The following PHLPP1 variants were observed in gnomAD, a reference collection of about 807,000 sequenced individuals.
The protein encoded by PHLPP1 is PH domain leucine-rich repeat-containing protein phosphatase 1.
In PHLPP1, 42 loss-of-function variants were observed where a neutral mutation model predicts 117.2. That is an observed-to-expected ratio of 0.36 (90% CI 0.28 to 0.46). PHLPP1 has a LOEUF of 0.46. Among genes scored for constraint, PHLPP1 ranks in the 20% least tolerant of loss-of-function variants. PHLPP1 has a pLI of 1.00. For synonymous variants in PHLPP1, 1,042 were observed against 970.7 expected (o/e 1.07, Z -1.37); for missense variants, 2,084 against 2,241.9 (o/e 0.93, Z 1.42).
At chr18:62,775,764 C>T (rs1912933749) in intron 1 of PHLPP1, among the ~76,000 whole-genome samples, 2 of 152,024 alleles carry the variant, frequency 1.3e-5, no homozygotes, top group South Asian at 4.1e-4. Flanking sequence ...GACCTATATC[C>T]ACCTGTGAAA....
chr18:62,787,271 A>T lies in PHLPP1; in HGVS notation c.1577-42764A>T, dbSNP rs192937323. Among the ~76,000 whole-genome samples the T allele has an allele frequency of 2.7e-3, 415 of 152,230 alleles. 9 individuals are homozygous for T. The highest frequency in any genetic ancestry group is 0.025 in the Admixed American group (385 of 15,286). On this transcript the variant is annotated intron_variant, in intron 1 of 16. Transcript: ENST00000262719. ...CTGCAACCTCCACCTCCTGTAAATG[A>T]TTCTCCTGCCTCAGCCTCACGAGTA...
At chr18:62,965,586 A>C (rs575799003) in intron 14 of PHLPP1, among the ~76,000 whole-genome samples, 1 of 150,272 alleles carries the variant, frequency 6.7e-6, no homozygotes, top group African/African-American at 2.5e-5. Context: ...CAGCCTCCCA[A>C]GTAGCTGGGA....
At chr18:62,787,392 T>G (rs561110376) in intron 1 of PHLPP1, among the ~76,000 whole-genome samples, 57 of 152,244 alleles carry the variant, frequency 3.7e-4, no homozygotes, top group African/African-American at 1.3e-3. Context: ...GGTCTCGAAC[T>G]TCTGACCTCA....
intron 1 of PHLPP1, among the ~76,000 whole-genome samples, chr18:62,808,936 G>C (rs1169855653): frequency 6.6e-6 from 1 of 152,042 alleles, no homozygotes; most frequent in Non-Finnish European, 1.5e-5. Flanking sequence ...CAGTTGCCTG[G>C]TTATTATTTT....
chr18:62,816,834 A>ATAT (rs1914292809), intron 1 of PHLPP1, among the ~76,000 whole-genome samples: 1 of 152,202 alleles, frequency 6.6e-6, no homozygotes, highest in African/African-American at 2.4e-5. Context: ...ATATTAAATA[A>ATAT]GACATCATTT....
chr18:62,803,680 T>G (rs1246450532), intron 1 of PHLPP1, among the ~76,000 whole-genome samples: 3 of 152,216 alleles, frequency 2.0e-5, no homozygotes, highest in Non-Finnish European at 1.5e-5. Context: ...CTAGTGCAAT[T>G]TACATGTATT....
chr18:62,946,378 G>A (rs115773051), intron 12 of PHLPP1, among the ~76,000 whole-genome samples: 2 of 152,062 alleles, frequency 1.3e-5, no homozygotes, highest in Non-Finnish European at 2.9e-5. Context: ...CGATTCGCTC[G>A]CCGCAGCCTC....
At chr18:62,781,216 A>G (rs1437084145) in intron 1 of PHLPP1, among the ~76,000 whole-genome samples, 2 of 152,210 alleles carry the variant, frequency 1.3e-5, no homozygotes, top group African/African-American at 4.8e-5. Context: ...TAGATAAGGT[A>G]TATAAAGTGC....
chr18:62,722,989 A>G (rs1432351450), intron 1 of PHLPP1, among the ~76,000 whole-genome samples: 1 of 152,228 alleles, frequency 6.6e-6, no homozygotes, highest in Non-Finnish European at 1.5e-5. Context: ...TTGGCCTCAT[A>G]TACTTTTTGG....
Position 62,905,240 on chromosome 18 carries a change from T to C in PHLPP1, c.2664T>C (p.Asp888=), listed in dbSNP as rs749627291. ...TCTTCCTAGAACTTGTTCAACTTGA[T>C]GTTTACCCAGTTCCAAATTATCTGT... ...YASSNELVQL[D]VYPVPNYLSY... is the part of the protein sequence containing the mutation. Residue 888 remains aspartate (D), a synonymous_variant, in exon 8 of 17, where the codon GAT becomes GAC. Transcript: ENST00000262719. 1 of 1,551,088 alleles carries C rather than the reference T, an allele frequency of 6.4e-7. No individual in the cohort carries two copies. The highest frequency in any genetic ancestry group is 8.7e-7 in the Non-Finnish European group (1 of 1,150,390).
intron 1 of PHLPP1, among the ~76,000 whole-genome samples, chr18:62,828,958 A>G (rs115894567): frequency 9.4e-4 from 143 of 152,306 alleles, no homozygotes; most frequent in African/African-American, 3.2e-3. Context: ...GGTTGCTTAT[A>G]TGACTGTCAC....
intron 12 of PHLPP1, among the ~76,000 whole-genome samples, chr18:62,955,248 C>G (rs1219871655): frequency 6.6e-6 from 1 of 152,140 alleles, no homozygotes; most frequent in Non-Finnish European, 1.5e-5. Flanking sequence ...ATGGGTGGAA[C>G]ATGGAGTGTG....
rs1269569184 is a variant in PHLPP1 at position 62,716,789 on chromosome 18, G to A, written c.1106G>A (p.Gly369Asp). The A allele has an allele frequency of 2.0e-6, 3 of 1,526,498 alleles. No individual in the cohort carries two copies. Among genetic ancestry groups the A allele is most frequent in the Non-Finnish European group, 2.6e-6 (3 of 1,142,354 alleles). 94.6% of individuals were successfully genotyped at this position (1,526,498 alleles called of 1,614,324 possible). Residue 369 changes from glycine (G) to aspartate (D), a missense_variant, in exon 1 of 17, where the codon GGC (glycine) becomes GAC (aspartate). By Grantham distance (94) the Gly-to-Asp change is moderately conservative. This residue lies in a region of PHLPP1 where 719 missense variants were observed against 636.0 expected (regional missense o/e 1.13). Transcript: ENST00000262719. This position sits in a 1 kb window ranked among gnomAD's most constrained non-coding sequence, Gnocchi z 5.7. ...VSDRLDPYSS[G>D]GGSSSSSEEL... ...GACCGGTTGGACCCCTACAGCAGCG[G>A]CGGCGGCTCCTCGTCGTCGTCGGAA...
At chr18:62,812,273 A>G (rs1475287246) in intron 1 of PHLPP1, among the ~76,000 whole-genome samples, 1 of 152,106 alleles carries the variant, frequency 6.6e-6, no homozygotes, top group African/African-American at 2.4e-5. Context: ...TTATTTTATT[A>G]TGTACTTAGG....
chr18:62,761,612 G>A (rs1211314294), intron 1 of PHLPP1, among the ~76,000 whole-genome samples: 1 of 149,316 alleles, frequency 6.7e-6, no homozygotes, highest in Non-Finnish European at 1.5e-5. Flanking sequence ...CAGCCTGGGT[G>A]ACAGAGCGAG....
chr18:62,790,821 T>C (rs1913434160), intron 1 of PHLPP1, among the ~76,000 whole-genome samples: 1 of 152,054 alleles, frequency 6.6e-6, no homozygotes, highest in African/African-American at 2.4e-5. Flanking sequence ...GAGGAAGGGA[T>C]GGATACAAGA....
Position 62,903,219 on chromosome 18 carries a change from C to T in PHLPP1, c.2647+53C>T, listed in dbSNP as rs937603839. The T allele has an allele frequency of 4.2e-5, 49 of 1,170,116 alleles. No homozygotes were observed. In the African/African-American group the frequency reaches 5.0e-4, roughly 12 times the overall value. The allele number at this position is 1,170,116 out of a possible 1,614,324, so 72.5% of individuals were successfully genotyped here. ...GCTCTTTTGGTTCCAGGAATTTACC[C>T]AGCATCATTATTTCTGCTTCTGATT... is the stretch of plus-strand genomic sequence containing the variant. On this transcript the variant is annotated intron_variant, in intron 7 of 16. Transcript: ENST00000262719.
At position 62,978,237 on chromosome 18, in the gene PHLPP1, T is replaced by A; in HGVS notation, c.3985-25T>A. 1 of 1,454,126 alleles carries A rather than the reference T, an allele frequency of 6.9e-7. No individual in the cohort carries two copies. Among genetic ancestry groups the A allele is most frequent in the Non-Finnish European group, 9.5e-7 (1 of 1,050,728 alleles). 90.1% of individuals were successfully genotyped at this position (1,454,126 alleles called of 1,614,324 possible). A position where few individuals can be genotyped will look rare whatever the true frequency, so the allele number is the denominator to read the frequency against. ...CCGCAGGTGCTCTGTATTAACTGTC[T>A]GTCTGCAAACCCTTGTTCTTCCAGG... On this transcript the variant is annotated intron_variant, in intron 16 of 16. Coordinates refer to ENST00000262719, the MANE Select transcript of PHLPP1 (RefSeq NM_194449.4). This position sits in a 1 kb window ranked among gnomAD's most constrained non-coding sequence, Gnocchi z 7.0.
Position 62,860,497 on chromosome 18 carries a change from C to T in PHLPP1, c.1962C>T (p.Ala654=). The T allele has an allele frequency of 6.2e-7, 1 of 1,613,882 alleles. No homozygotes were observed. Among genetic ancestry groups the T allele is most frequent in the Non-Finnish European group, 8.5e-7 (1 of 1,179,792 alleles). ...LSCCSLEHLP[A]NLFYSQDLTH... ...GTTGTAGCCTGGAACATCTGCCTGC[C>T]AACCTCTTCTACAGCCAAGACCTCA... The change falls in exon 4 of 17, where the codon GCC becomes GCT. Residue 654 remains alanine, a synonymous_variant. Coordinates refer to ENST00000262719, the MANE Select transcript of PHLPP1 (RefSeq NM_194449.4).
Sources: gnomAD v4.1 joint callset for allele counts (sites outside exome capture counted in the v4.1 genomes callset) on GRCh38, gnomAD v4.1.1 for gene constraint, gnomAD v4.1.1 regional missense constraint, Gnocchi (gnomAD v3.1) non-coding constraint, MANE v1.5 for transcripts, NCBI Gene and HGNC (gene_info 2026-07-23, HGNC 2026-07-21) for gene names.